The following KIF2A variants were observed in gnomAD, a reference collection of about 807,000 sequenced individuals.
KIF2A encodes the protein kinesin-like protein KIF2A.
KIF2A carries 22 observed loss-of-function variants against 100.2 expected under a neutral mutation model. That is an observed-to-expected ratio of 0.22 (90% CI 0.16 to 0.31). KIF2A has a LOEUF of 0.31. KIF2A is among the 10% of genes least tolerant of loss of function. The pLI is 1.00. For missense variants in KIF2A, 495 were observed against 898.7 expected (o/e 0.55, Z 5.74); for synonymous variants, 268 against 285.9 (o/e 0.94, Z 0.63).
chr5:62,342,359 T>C (rs1161747969), intron 1 of KIF2A, among the ~76,000 whole-genome samples: 1 of 152,194 alleles, frequency 6.6e-6, no homozygotes, highest in Non-Finnish European at 1.5e-5. Flanking sequence ...ACTCATCCTC[T>C]TTCTCATATG....
At chr5:62,335,678 C>T (rs1192850547) in intron 1 of KIF2A, among the ~76,000 whole-genome samples, 1 of 152,118 alleles carries the variant, frequency 6.6e-6, no homozygotes, top group African/African-American at 2.4e-5. Context: ...TCCTCCTCAC[C>T]ACCTTTTCAC....
At chr5:62,331,034 A>ATAAACAATC (rs1409007146) in intron 1 of KIF2A, among the ~76,000 whole-genome samples, 3 of 152,264 alleles carry the variant, frequency 2.0e-5, no homozygotes, top group Admixed American at 1.3e-4. Context: ...AATAGCCATT[A>ATAAACAATC]TAAACAATCT....
At chr5:62,309,775 C>A (rs868294758) in intron 1 of KIF2A, among the ~76,000 whole-genome samples, 20 of 152,158 alleles carry the variant, frequency 1.3e-4, no homozygotes, top group Non-Finnish European at 2.9e-5. Flanking sequence ...CACTAATAAA[C>A]ATATCCCAAG....
intron 20 of KIF2A, 106 bp downstream of exon 20, chr5:62,381,359 G>A (rs1741764331): frequency 2.3e-6 from 2 of 874,814 alleles, no homozygotes; most frequent in Non-Finnish European, 3.6e-6. Context: ...TGAAAATTAG[G>A]GGCACTGTTT....
intron 9 of KIF2A, among the ~76,000 whole-genome samples, chr5:62,360,412 C>T (rs901477949): frequency 2.3e-4 from 35 of 151,822 alleles, no homozygotes; most frequent in African/African-American, 8.2e-4. Context: ...AGGCCGGGTG[C>T]GGTGGCTCAT....
intron 1 of KIF2A, among the ~76,000 whole-genome samples, chr5:62,328,850 T>C (rs1183763687): frequency 2.0e-5 from 3 of 152,188 alleles, no homozygotes; most frequent in African/African-American, 7.2e-5. Flanking sequence ...TTATTACTGT[T>C]ACGCAAATTC....
chr5:62,365,439 G>A, intron 15 of KIF2A, 86 bp downstream of exon 15: 1 of 682,312 alleles, frequency 1.5e-6, no homozygotes, highest in East Asian at 2.9e-5. Context: ...ATTTGTTAGT[G>A]ACAATTATTT....
intron 1 of KIF2A, among the ~76,000 whole-genome samples, chr5:62,312,091 A>T (rs1336273049): frequency 6.6e-6 from 1 of 152,208 alleles, no homozygotes; most frequent in Non-Finnish European, 1.5e-5. Context: ...AGACATACAA[A>T]CCCCTGTAGT....
intron 1 of KIF2A, among the ~76,000 whole-genome samples, chr5:62,335,007 T>C (rs2111861155): frequency 6.6e-6 from 1 of 152,222 alleles, no homozygotes; most frequent in Admixed American, 6.5e-5. Context: ...TGGTGATGGG[T>C]CCCCCTGGCT....
At chr5:62,337,437 A>G (rs1356890851) in intron 1 of KIF2A, among the ~76,000 whole-genome samples, 2 of 151,768 alleles carry the variant, frequency 1.3e-5, no homozygotes, top group Non-Finnish European at 2.9e-5. Context: ...GGTTGCAGTG[A>G]GCCGAGATCA....
chr5:62,344,675 G>C (rs1392809201), intron 1 of KIF2A, among the ~76,000 whole-genome samples: 1 of 152,142 alleles, frequency 6.6e-6, no homozygotes, highest in East Asian at 1.9e-4. Flanking sequence ...CAGATATTCA[G>C]TGCAGCATCT....
chr5:62,333,638 T>C lies in KIF2A; in HGVS notation c.65-13492T>C, dbSNP rs141575850. Among the ~76,000 whole-genome samples the C allele has an allele frequency of 7.6e-4, 116 of 152,228 alleles. No individual in the cohort carries two copies. The East Asian group carries it at 0.017, about 23-fold the overall frequency. On this transcript the variant is annotated intron_variant, in intron 1 of 20. Transcript: ENST00000407818. ...AACTGCCATACACAAGGAGCTCCCGTTATGGTGGTTCTCTGCCAACACCCT... is the reference window on the plus strand; with the variant it reads ...AACTGCCATACACAAGGAGCTCCCGCTATGGTGGTTCTCTGCCAACACCCT...
chr5:62,383,694 T>G (rs16890708), intron 20 of KIF2A, among the ~76,000 whole-genome samples: 2,272 of 152,278 alleles, frequency 0.015, 52 homozygotes, highest in African/African-American at 0.052. Context: ...ATTCAACCCT[T>G]TATTTAAATT....
intron 1 of KIF2A, among the ~76,000 whole-genome samples, chr5:62,341,073 T>C (rs745599352): frequency 9.2e-5 from 14 of 152,204 alleles, no homozygotes; most frequent in Non-Finnish European, 1.6e-4. Context: ...TCATTTCTTA[T>C]TGCTGGAATT....
In KIF2A at chr5:62,306,398, A is replaced by ACC; in HGVS notation, c.-72_-71dup. The ACC allele has an allele frequency of 2.9e-5, 22 of 751,768 alleles. No individual in the cohort carries two copies. Among genetic ancestry groups the ACC allele is most frequent in the South Asian group, 1.1e-4 (6 of 53,712 alleles). The allele number at this position is 751,768 out of a possible 1,614,324, so 46.6% of individuals were successfully genotyped here. On this transcript the variant is annotated 5_prime_UTR_variant, in exon 1 of 21. Coordinates refer to ENST00000407818, the MANE Select transcript of KIF2A (RefSeq NM_001098511.3). ...GGCAACCGCTCCCCCTCCCACACCT[A>ACC]CCCCGCCCCCTCCCCGCCTTTTCCG...
Position 62,386,686 on chromosome 5 carries a change from T to C in KIF2A, c.*1117T>C, listed in dbSNP as rs1249074544. ...AGTTGACTTTGCCTTAAAAGGCAGA[T>C]CTAACCCAAGCTCCATCCAGTACCA... On this transcript the variant is annotated 3_prime_UTR_variant, in exon 21 of 21. Coordinates refer to ENST00000407818, the MANE Select transcript of KIF2A (RefSeq NM_001098511.3). Among the ~76,000 whole-genome samples the C allele has an allele frequency of 6.6e-6, 1 of 152,228 alleles. No homozygotes were observed. The highest frequency in any genetic ancestry group is 1.9e-4 in the East Asian group (1 of 5,194).
intron 1 of KIF2A, among the ~76,000 whole-genome samples, chr5:62,329,555 A>G (rs1746537692): frequency 6.6e-6 from 1 of 152,252 alleles, no homozygotes; most frequent in African/African-American, 2.4e-5. Context: ...ATTGACATTT[A>G]CTGTTAGATT....
chr5:62,307,989 G>A (rs998441414), intron 1 of KIF2A, among the ~76,000 whole-genome samples: 3 of 152,174 alleles, frequency 2.0e-5, no homozygotes, highest in African/African-American at 4.8e-5. Context: ...TGGCTGTCAC[G>A]TCCACGTGCC....
At chr5:62,363,131 T>G in intron 12 of KIF2A, 47 bp from the exon 13 acceptor site, 2 of 1,510,802 alleles carry the variant, frequency 1.3e-6, no homozygotes, top group Non-Finnish European at 1.8e-6. Context: ...CCTAGCCTGT[T>G]TTTTACTTTA....
Sources: allele counts gnomAD v4.1 joint callset (sites outside exome capture counted in the v4.1 genomes callset), GRCh38; gene constraint gnomAD v4.1.1; transcripts MANE v1.5; gene names NCBI Gene and HGNC (gene_info 2026-07-23, HGNC 2026-07-21).